NDRG4: variants seen among roughly 807,000 people sequenced by gnomAD.
NDRG4 encodes the protein protein NDRG4.
NDRG4 carries 38 observed loss-of-function variants against 55.8 expected under a neutral mutation model. The observed-to-expected ratio is 0.68, with a 90% confidence interval of 0.53 to 0.89. The LOEUF (loss-of-function observed/expected upper bound fraction) is 0.89. Ranked by LOEUF, NDRG4 falls within the 40% of genes least tolerant of loss-of-function variation. The pLI is 0.00. For missense variants in NDRG4, 455 were observed against 468.6 expected (o/e 0.97, Z 0.27); for synonymous variants, 190 against 182.7 (o/e 1.04, Z -0.32).
Position 58,510,689 on chromosome 16 carries a change from C to T in NDRG4, c.904+6C>T, listed in dbSNP as rs2038689480. On this transcript the variant is annotated splice_donor_region_variant and intron_variant, in intron 14 of 14. Transcript: ENST00000570248. ...AAGGCTGAGTGGAGGAGCAGGTAGCCCCACGGCCCTTCCCCTGATGCATGG... is the reference window on the plus strand; with the variant it reads ...AAGGCTGAGTGGAGGAGCAGGTAGCTCCACGGCCCTTCCCCTGATGCATGG... The T allele has an allele frequency of 2.6e-6, 4 of 1,535,808 alleles. No homozygotes were observed. Among genetic ancestry groups the T allele is most frequent in the Non-Finnish European group, 3.5e-6 (4 of 1,146,840 alleles).
rs932983240 is a variant in NDRG4, at chr16:58,503,849, T to C, written c.73T>C (p.Ser25Pro). 1 of 1,613,428 alleles carries C rather than the reference T, an allele frequency of 6.2e-7. No homozygotes were observed. Among genetic ancestry groups the C allele is most frequent in the Non-Finnish European group, 8.5e-7 (1 of 1,179,866 alleles). The change falls in exon 2 of 15, where the codon TCC (serine) becomes CCC (proline). Residue 25 changes from serine (S) to proline (P), a missense_variant. Ser to Pro is a moderately conservative substitution (Grantham distance 74). Coordinates refer to ENST00000570248, the MANE Select transcript of NDRG4 (RefSeq NM_001242835.2). ...CCTTCTGCATGTAGTGATCCGGGGC[T>C]CCCCCAAGGGGAACCGCCCAGCCAT... ...YGLLHVVIRG[S>P]PKGNRPAILT...
chr16:58,472,863 CG>C (rs1567566960), intron 1 of NDRG4, among the ~76,000 whole-genome samples: 1 of 152,054 alleles, frequency 6.6e-6, no homozygotes, highest in Non-Finnish European at 1.5e-5. Context: ...CCTTCGAGAC[CG>C]GGCCCAGGGC....
chr16:58,479,742 G>A (rs2034163825), intron 1 of NDRG4, among the ~76,000 whole-genome samples: 1 of 152,210 alleles, frequency 6.6e-6, no homozygotes, highest in Non-Finnish European at 1.5e-5. Context: ...GGGAACATCC[G>A]AGCGAACAAA....
Position 58,480,964 on chromosome 16 carries a change from G to A in NDRG4, c.-23-6792G>A, listed in dbSNP as rs148713911. 5.3e-4 allele frequency among the ~76,000 whole-genome samples: 80 copies of A among 151,466 alleles called. 2 individuals are homozygous for A. Among genetic ancestry groups the A allele is most frequent in the African/African-American group, 1.8e-3 (75 of 41,248 alleles). On this transcript the variant is annotated intron_variant, in intron 1 of 15. Transcript: ENST00000258187. ...GCGGAGGTTGCAATGAGCTGAGATC[G>A]TGCCACTGCATTCCAGCCTGGGCGA...
At chr16:58,487,381 G>C (rs1438071809) in intron 1 of NDRG4, among the ~76,000 whole-genome samples, 3 of 152,102 alleles carry the variant, frequency 2.0e-5, no homozygotes, top group African/African-American at 7.2e-5. Flanking sequence ...AATTAGCAAG[G>C]TGGTGGTGTG....
At chr16:58,465,198 G>A (rs777497983) in intron 1 of NDRG4, 12 of 935,710 alleles carry the variant, frequency 1.3e-5, no homozygotes, top group East Asian at 6.1e-5. Flanking sequence ...GGACTTATAG[G>A]TGCTCCATCC....
chr16:58,470,793 G>T (rs1202012532), intron 1 of NDRG4, among the ~76,000 whole-genome samples: 4 of 151,636 alleles, frequency 2.6e-5, no homozygotes, highest in African/African-American at 9.7e-5. Context: ...TGTAATCCCA[G>T]CTATGAAGGG....
In NDRG4 at chr16:58,512,112, G is replaced by A. The variant is rs1251521734; in HGVS notation, c.*536G>A. On this transcript the variant is annotated 3_prime_UTR_variant, in exon 15 of 15. Coordinates refer to ENST00000570248, the MANE Select transcript of NDRG4 (RefSeq NM_001242835.2). ...CTCGGACCAGGCAGCCACTTTCCTG[G>A]TGCTCTCTGGGCCCAGCTGGTGCTG... 2 of 456,686 alleles carry A rather than the reference G, an allele frequency of 4.4e-6. No individual in the cohort carries two copies. Among genetic ancestry groups the A allele is most frequent in the Middle Eastern group, 3.3e-4 (1 of 3,076 alleles). The allele number at this position is 456,686 out of a possible 1,614,324, so 28.3% of individuals were successfully genotyped here.
intron 1 of NDRG4, among the ~76,000 whole-genome samples, chr16:58,475,891 G>A (rs1010464256): frequency 3.3e-5 from 5 of 152,014 alleles, no homozygotes; most frequent in Admixed American, 3.3e-4. Flanking sequence ...CTGCCTCCCA[G>A]GTTCAAGTGA....
chr16:58,515,386 A>C, downstream of NDRG4: 2 of 798,188 alleles, frequency 2.5e-6, no homozygotes, highest in South Asian at 3.8e-5. Context: ...AGATGTTTTC[A>C]TGAGGAACGA....
chr16:58,502,947 T>C (rs2037353132), intron 1 of NDRG4, among the ~76,000 whole-genome samples: 1 of 152,354 alleles, frequency 6.6e-6, no homozygotes, highest in Non-Finnish European at 1.5e-5. Context: ...ACAGCCCCCT[T>C]TCTGGGGCTT....
intron 1 of NDRG4, among the ~76,000 whole-genome samples, chr16:58,467,682 C>T (rs563585085): frequency 2.0e-5 from 3 of 152,286 alleles, no homozygotes; most frequent in South Asian, 2.1e-4. Context: ...ATTCTAACTG[C>T]CTGGCTTTGG....
chr16:58,487,945 C>A (rs1389237218), intron 2 of NDRG4: 1 of 952,798 alleles, frequency 1.0e-6, no homozygotes. Context: ...CCGACCCTCC[C>A]TAGGGCCAGC....
chr16:58,495,152 C>A, upstream of NDRG4: 2 of 786,044 alleles, frequency 2.5e-6, no homozygotes, highest in African/African-American at 1.7e-5. Flanking sequence ...GATGAACTGG[C>A]CCTGCTTCTG....
intron 10 of NDRG4, among the ~76,000 whole-genome samples, 194 bp from the exon 11 acceptor site, chr16:58,508,768 G>A (rs1320085287): frequency 6.6e-6 from 1 of 152,214 alleles, no homozygotes; most frequent in Non-Finnish European, 1.5e-5. Flanking sequence ...CAGTGGGGCT[G>A]TTAAACTGGT....
chr16:58,488,720 GCCAGGGAT>G (rs955133011), intron 2 of NDRG4, among the ~76,000 whole-genome samples: 1 of 152,124 alleles, frequency 6.6e-6, no homozygotes, highest in African/African-American at 2.4e-5. Flanking sequence ...TGTGCAGCCA[GCCAGGGAT>G]CCAGGGATCC....
At chr16:58,509,501 C>T (rs1056249928) in intron 13 of NDRG4, 149 bp downstream of exon 13, 10 of 778,422 alleles carry the variant, frequency 1.3e-5, no homozygotes, top group South Asian at 3.6e-5. Flanking sequence ...ACCTGGGCCC[C>T]GGATGCTGGG....
chr16:58,481,650 G>A (rs1209340832), intron 1 of NDRG4, among the ~76,000 whole-genome samples: 1 of 152,182 alleles, frequency 6.6e-6, no homozygotes, highest in African/African-American at 2.4e-5. Flanking sequence ...ACCCACCCGG[G>A]GAGGCGGAAT....
intron 7 of NDRG4, 116 bp downstream of exon 7, chr16:58,506,730 A>T (rs946162570): frequency 1.2e-5 from 15 of 1,285,858 alleles, no homozygotes; most frequent in Non-Finnish European, 1.6e-5. Flanking sequence ...CCAGATGCTA[A>T]GCCATCTGAA....
Sources: allele counts gnomAD v4.1 joint callset (sites outside exome capture counted in the v4.1 genomes callset), GRCh38; gene constraint gnomAD v4.1.1; transcripts MANE v1.5; gene names NCBI Gene and HGNC (gene_info 2026-07-23, HGNC 2026-07-21).